MSRA: variants seen among roughly 807,000 people sequenced by gnomAD.
MSRA encodes mitochondrial peptide methionine sulfoxide reductase.
In MSRA, 54 loss-of-function variants were observed where a neutral mutation model predicts 31.3. The observed-to-expected ratio is 1.73, with a 90% confidence interval of 1.39 to 2.17. The LOEUF (loss-of-function observed/expected upper bound fraction) is 2.17, where lower values mean the gene tolerates loss of function less well. MSRA is among the 30% of genes most tolerant of loss of function. The pLI, the probability that MSRA is intolerant of heterozygous loss-of-function variation, is 0.00. For synonymous variants in MSRA, 169 were observed against 116.5 expected, an observed-to-expected ratio of 1.45 and a Z score of -2.90; for missense variants, 507 against 300.9, an observed-to-expected ratio of 1.69 and a Z score of -5.07.
At chr8:10,380,161 C>T (rs1345640798) in intron 5 of MSRA, among the ~76,000 whole-genome samples, 1 of 152,238 alleles carries the variant, frequency 6.6e-6, no homozygotes, top group African/African-American at 2.4e-5. Flanking sequence ...GGGCCCTGCT[C>T]TCTCTTGCCT....
chr8:10,210,716 A>G (rs912363796), intron 2 of MSRA, among the ~76,000 whole-genome samples: 2 of 151,732 alleles, frequency 1.3e-5, no homozygotes, highest in African/African-American at 4.9e-5. Context: ...GTGATAAAAT[A>G]GTATCACTAA....
At chr8:10,387,076 C>A (rs530675507) in intron 5 of MSRA, among the ~76,000 whole-genome samples, 1 of 152,236 alleles carries the variant, frequency 6.6e-6, no homozygotes, top group South Asian at 2.1e-4. Flanking sequence ...TGACAAGCTC[C>A]AGAGGCAGCT....
In MSRA at chr8:10,428,634, TG is replaced by T. The variant is rs1735260973; in HGVS notation, c.*327del. ...TGAGCTGGGAGGTTGCTGGACAGGA[TG>T]GGGGACCCCAGAAGTCCTTTATCTG... On this transcript the variant is annotated 3_prime_UTR_variant, in exon 6 of 6. Transcript: ENST00000317173. 3.1e-5 allele frequency: 10 copies of T among 321,274 alleles called. No individual in the cohort carries two copies. In the South Asian group the frequency reaches 3.2e-4, roughly 10 times the overall value. The allele number at this position is 321,274 out of a possible 1,614,324, so 19.9% of individuals were successfully genotyped here.
chr8:10,410,725 GT>G (rs955172072), intron 5 of MSRA, among the ~76,000 whole-genome samples: 1 of 152,170 alleles, frequency 6.6e-6, no homozygotes, highest in African/African-American at 2.4e-5. Flanking sequence ...TTTAAGGAGT[GT>G]TTGATACTTA....
intron 3 of MSRA, among the ~76,000 whole-genome samples, chr8:10,273,969 GA>G (rs1387591284): frequency 6.6e-6 from 1 of 152,144 alleles, no homozygotes; most frequent in Admixed American, 6.5e-5. Context: ...GTGAGGATAG[GA>G]GAGAGTTGTA....
chr8:10,080,581 A>G (rs1423510415), intron 1 of MSRA, among the ~76,000 whole-genome samples: 1 of 152,078 alleles, frequency 6.6e-6, no homozygotes, highest in Non-Finnish European at 1.5e-5. Flanking sequence ...GCTAGAGTGC[A>G]GTAGCACAGT....
chr8:10,364,683 T>A (rs1350862384), intron 5 of MSRA, among the ~76,000 whole-genome samples: 1 of 152,222 alleles, frequency 6.6e-6, no homozygotes, highest in Non-Finnish European at 1.5e-5. Flanking sequence ...CTTCATTGAC[T>A]TTGAACAGAC....
intron 5 of MSRA, among the ~76,000 whole-genome samples, chr8:10,334,242 A>G (rs1445976823): frequency 6.6e-6 from 1 of 151,666 alleles, no homozygotes; most frequent in Non-Finnish European, 1.5e-5. Context: ...ACACATTTAT[A>G]TTCGTTAATT....
intron 5 of MSRA, among the ~76,000 whole-genome samples, chr8:10,379,420 A>T (rs1385987811): frequency 6.6e-6 from 1 of 151,760 alleles, no homozygotes; most frequent in East Asian, 1.9e-4. Context: ...TTCTCATTTC[A>T]CTCGCAGGTG....
intron 1 of MSRA, among the ~76,000 whole-genome samples, chr8:10,195,836 A>T (rs752996729): frequency 6.6e-6 from 1 of 152,252 alleles, no homozygotes; most frequent in Non-Finnish European, 1.5e-5. Context: ...AGCTTCCATC[A>T]AGAAATAAAG....
chr8:10,321,692 G>T (rs76083502), intron 5 of MSRA, among the ~76,000 whole-genome samples: 3 of 152,136 alleles, frequency 2.0e-5, no homozygotes, highest in African/African-American at 4.8e-5. Context: ...CTGTTACCGC[G>T]TGAGAGATGG....
At chr8:10,260,310 A>G (rs80239884) in intron 3 of MSRA, among the ~76,000 whole-genome samples, 4,709 of 152,270 alleles carry the variant, frequency 0.031, 241 homozygotes, top group African/African-American at 0.11. Context: ...CTGGCCAGTG[A>G]CAGGGGCACG....
At chr8:10,055,571 A>C (rs965108014) in intron 1 of MSRA, among the ~76,000 whole-genome samples, 34 of 152,352 alleles carry the variant, frequency 2.2e-4, no homozygotes, top group African/African-American at 7.7e-4. Flanking sequence ...GTGGAGCCCA[A>C]CAATCTCTAA....
chr8:10,180,704 C>T (rs1438948412), intron 1 of MSRA, among the ~76,000 whole-genome samples: 2 of 152,150 alleles, frequency 1.3e-5, no homozygotes, highest in Non-Finnish European at 2.9e-5. Context: ...ATACATATTC[C>T]TTTTTGTGTC....
At chr8:10,059,847 A>G (rs576812938) in intron 1 of MSRA, among the ~76,000 whole-genome samples, 64 of 152,316 alleles carry the variant, frequency 4.2e-4, no homozygotes, top group African/African-American at 1.5e-3. Context: ...GTTTACAGAA[A>G]AGTACAATTG....
intron 3 of MSRA, among the ~76,000 whole-genome samples, chr8:10,270,123 T>C (rs1468852109): frequency 6.6e-6 from 1 of 152,246 alleles, no homozygotes; most frequent in African/African-American, 2.4e-5. Flanking sequence ...ACTGAAAAAC[T>C]TGAGTCAAGT....
At chr8:10,309,404 G>A (rs1801314105) in intron 4 of MSRA, among the ~76,000 whole-genome samples, 1 of 152,218 alleles carries the variant, frequency 6.6e-6, no homozygotes, top group Non-Finnish European at 1.5e-5. Context: ...TGGAAGGGCC[G>A]TTTCCATCAC....
At chr8:10,316,342 C>T (rs757995018) in intron 4 of MSRA, among the ~76,000 whole-genome samples, 1 of 152,056 alleles carries the variant, frequency 6.6e-6, no homozygotes, top group Non-Finnish European at 1.5e-5. Flanking sequence ...AACAGGCAAC[C>T]AGCCTCTCTC....
chr8:10,165,252 C>A (rs553094670), intron 1 of MSRA, among the ~76,000 whole-genome samples: 2 of 152,212 alleles, frequency 1.3e-5, no homozygotes, highest in South Asian at 2.1e-4. Context: ...CAATATAATG[C>A]CTTTGTTTTA....
Sources: allele counts gnomAD v4.1 joint callset (sites outside exome capture counted in the v4.1 genomes callset), GRCh38; gene constraint gnomAD v4.1.1; transcripts MANE v1.5; gene names NCBI Gene and HGNC (gene_info 2026-07-23, HGNC 2026-07-21).